Variants in FAM117B observed in about 807,000 individuals in gnomAD.
FAM117B encodes the protein protein FAM117B.
Under a neutral mutation model 52.8 loss-of-function variants are expected in FAM117B, and 22 were observed. That is an observed-to-expected ratio of 0.42 (90% CI 0.30 to 0.59). The LOEUF is 0.59. Among genes scored for constraint, FAM117B ranks in the 20% least tolerant of loss-of-function variants. The pLI, the probability that FAM117B is intolerant of heterozygous loss-of-function variation, is 0.22. For synonymous variants in FAM117B, 309 were observed against 324.1 expected (o/e 0.95, Z 0.50); for missense variants, 678 against 802.6 (o/e 0.84, Z 1.88).
chr2:202,685,928 T>C lies in FAM117B; in HGVS notation c.602-9953T>C, dbSNP rs183903204. On this transcript the variant is annotated intron_variant, in intron 1 of 7. Coordinates refer to ENST00000392238, the MANE Select transcript of FAM117B (RefSeq NM_173511.4). ...ACTATTAACAGAAGTAGTCGATAAATTGTAGTCTATTAAAATTAAAAAATG... is the reference window on the plus strand; with the variant it reads ...ACTATTAACAGAAGTAGTCGATAAACTGTAGTCTATTAAAATTAAAAAATG... Among the ~76,000 whole-genome samples, 10 of 152,270 alleles carry C rather than the reference T, an allele frequency of 6.6e-5. No individual in the cohort carries two copies. The East Asian group carries it at 1.5e-3, about 23-fold the overall frequency.
intron 2 of FAM117B, among the ~76,000 whole-genome samples, chr2:202,705,865 C>G (rs1430704858): frequency 1.3e-5 from 2 of 152,144 alleles, no homozygotes; most frequent in Non-Finnish European, 2.9e-5. Flanking sequence ...TGTGTGCTTG[C>G]ATTATTTGGG....
At position 202,731,981 on chromosome 2, in the gene FAM117B, C is replaced by T. The variant is rs764497656; in HGVS notation, c.960+5618C>T. 6.6e-4 allele frequency among the ~76,000 whole-genome samples: 100 copies of T among 150,978 alleles called. 1 individual carries two copies. The highest frequency in any genetic ancestry group is 9.9e-4 in the Admixed American group (15 of 15,188). ...AACTCCTGACCTCAGGTGATCTGCC[C>T]GCCTCGGCCTCCCAAAGTACTGGGA... On this transcript the variant is annotated intron_variant, in intron 4 of 7. Transcript: ENST00000392238.
intron 1 of FAM117B, among the ~76,000 whole-genome samples, chr2:202,681,939 G>T (rs921498464): frequency 1.3e-5 from 2 of 152,126 alleles, no homozygotes; most frequent in African/African-American, 2.4e-5. Context: ...CTCATTCTGT[G>T]CCCATAAAAA....
intron 4 of FAM117B, among the ~76,000 whole-genome samples, chr2:202,731,634 G>A (rs899437163): frequency 1.3e-5 from 2 of 151,608 alleles, no homozygotes; most frequent in Admixed American, 6.6e-5. Context: ...GTTTTACTGT[G>A]TTGGCCAGGC....
At chr2:202,741,136 A>G (rs576920915) in intron 4 of FAM117B, among the ~76,000 whole-genome samples, 3 of 152,254 alleles carry the variant, frequency 2.0e-5, no homozygotes, top group African/African-American at 4.8e-5. Flanking sequence ...AGAATTGGTG[A>G]TGAACGCCAG....
intron 1 of FAM117B, among the ~76,000 whole-genome samples, chr2:202,647,872 G>C (rs1689893946): frequency 6.6e-6 from 1 of 152,198 alleles, no homozygotes; most frequent in African/African-American, 2.4e-5. Context: ...GCATGTAGCA[G>C]TTGAGATGAA....
intron 4 of FAM117B, among the ~76,000 whole-genome samples, chr2:202,728,961 C>T (rs1691298685): frequency 6.6e-6 from 1 of 152,116 alleles, no homozygotes; most frequent in Non-Finnish European, 1.5e-5. Flanking sequence ...CTGTTTCTCC[C>T]ATTTTATTTA....
chr2:202,677,270 G>C (rs947977027), intron 1 of FAM117B, among the ~76,000 whole-genome samples: 8 of 152,068 alleles, frequency 5.3e-5, no homozygotes, highest in African/African-American at 1.9e-4. Flanking sequence ...GTTTCACGAT[G>C]TTGGCCAGGA....
At chr2:202,648,791 T>A (rs1445277301) in intron 1 of FAM117B, among the ~76,000 whole-genome samples, 1 of 152,082 alleles carries the variant, frequency 6.6e-6, no homozygotes, top group African/African-American at 2.4e-5. Flanking sequence ...AGAAGAAGTC[T>A]TGCTCTGTTG....
At chr2:202,645,515 T>C in intron 1 of FAM117B, among the ~76,000 whole-genome samples, 1 of 149,482 alleles carries the variant, frequency 6.7e-6, no homozygotes, top group East Asian at 2.0e-4. Context: ...GGTCTTGATC[T>C]CCTGACCTCG....
intron 2 of FAM117B, among the ~76,000 whole-genome samples, chr2:202,699,284 A>G (rs974766308): frequency 2.0e-5 from 3 of 151,546 alleles, no homozygotes; most frequent in Non-Finnish European, 4.4e-5. Flanking sequence ...AAAATTAGCC[A>G]GGCGTGGTGG....
intron 1 of FAM117B, among the ~76,000 whole-genome samples, chr2:202,642,534 G>C (rs918968526): frequency 6.6e-6 from 1 of 151,968 alleles, no homozygotes; most frequent in Non-Finnish European, 1.5e-5. Context: ...GTGATAGTTT[G>C]GATGGTGGTT....
intron 2 of FAM117B, among the ~76,000 whole-genome samples, chr2:202,713,346 T>G (rs1335558959): frequency 1.3e-5 from 2 of 152,230 alleles, no homozygotes; most frequent in East Asian, 1.9e-4. Flanking sequence ...ATAATGATCC[T>G]TTGAATTTCT....
At chr2:202,705,543 G>A (rs1442802177) in intron 2 of FAM117B, among the ~76,000 whole-genome samples, 2 of 152,160 alleles carry the variant, frequency 1.3e-5, no homozygotes, top group African/African-American at 4.8e-5. Flanking sequence ...TAGCCTGAGA[G>A]CCTTTTAGCT....
chr2:202,638,786 G>A (rs1318566134), intron 1 of FAM117B, among the ~76,000 whole-genome samples: 3 of 152,102 alleles, frequency 2.0e-5, no homozygotes, highest in African/African-American at 7.2e-5. Flanking sequence ...CCGCCAACTA[G>A]AAAAATAAAA....
intron 2 of FAM117B, among the ~76,000 whole-genome samples, chr2:202,702,043 CT>C (rs1690802459): frequency 6.6e-6 from 1 of 152,126 alleles, no homozygotes; most frequent in African/African-American, 2.4e-5. Flanking sequence ...ACAGAAAAAT[CT>C]TTTGTGAAAG....
intron 1 of FAM117B, among the ~76,000 whole-genome samples, chr2:202,695,261 C>CTT (rs563394047): frequency 2.1e-5 from 3 of 145,632 alleles, no homozygotes; most frequent in Admixed American, 6.9e-5. Flanking sequence ...AATCCTTATC[C>CTT]TTTTTTTTTT....
Position 202,695,875 on chromosome 2 carries a change from A to T in FAM117B, c.602-6A>T, listed in dbSNP as rs1374017645. 1.3e-6 allele frequency: 2 copies of T among 1,574,944 alleles called. No homozygotes were observed. Among genetic ancestry groups the T allele is most frequent in the Admixed American group, 1.9e-5 (1 of 53,008 alleles). On this transcript the variant is annotated splice_polypyrimidine_tract_variant and splice_region_variant and intron_variant, in intron 1 of 7. Coordinates refer to ENST00000392238, the MANE Select transcript of FAM117B (RefSeq NM_173511.4). ...ATTAAAACAAGCATTTTTGTCTTAA[A>T]TCTAGGTGACAAAACACGACAGCCT...
intron 4 of FAM117B, among the ~76,000 whole-genome samples, chr2:202,750,891 G>A (rs1306833280): frequency 6.6e-6 from 1 of 152,054 alleles, no homozygotes; most frequent in African/African-American, 2.4e-5. Flanking sequence ...AAACATGAAG[G>A]GGCAAAGGAA....
Sources: gnomAD v4.1 joint callset for allele counts (sites outside exome capture counted in the v4.1 genomes callset) on GRCh38, gnomAD v4.1.1 for gene constraint, MANE v1.5 for transcripts, NCBI Gene and HGNC (gene_info 2026-07-23, HGNC 2026-07-21) for gene names.